MGAT4C: variants seen among roughly 807,000 people sequenced by gnomAD.
The protein encoded by MGAT4C is alpha-1,3-mannosyl-glycoprotein 4-beta-N-acetylglucosaminyltransferase C.
A neutral mutation model predicts 40.1 loss-of-function variants in MGAT4C; 19 were observed. The ratio of observed to expected loss-of-function variants is 0.47; its 90% CI spans 0.33 to 0.70. The LOEUF (loss-of-function observed/expected upper bound fraction) is 0.70, where lower values mean the gene tolerates loss of function less well. Among genes scored for constraint, MGAT4C ranks in the 30% least tolerant of loss-of-function variants. MGAT4C has a pLI of 0.02. For synonymous variants in MGAT4C, 181 were observed against 187.1 expected, an observed-to-expected ratio of 0.97 and a Z score of 0.27; for missense variants, 491 against 563.2, an observed-to-expected ratio of 0.87 and a Z score of 1.30.
chr12:86,309,958 GAGA>G (rs574454361), intron 4 of MGAT4C, among the ~76,000 whole-genome samples: 11 of 152,160 alleles, frequency 7.2e-5, no homozygotes, highest in Admixed American at 7.2e-4. Context: ...GTAGGAGAAG[GAGA>G]AGGAGGAAAG....
At chr12:86,501,389 C>T (rs533099424) in intron 2 of MGAT4C, among the ~76,000 whole-genome samples, 1 of 152,070 alleles carries the variant, frequency 6.6e-6, no homozygotes, top group Admixed American at 6.6e-5. Context: ...AGGTTTGTTA[C>T]ACAGTTAAAC....
At chr12:86,665,371 TACA>T (rs1964077789) in intron 2 of MGAT4C, among the ~76,000 whole-genome samples, 2 of 152,200 alleles carry the variant, frequency 1.3e-5, no homozygotes, top group South Asian at 4.1e-4. Flanking sequence ...GGAAAAGTTA[TACA>T]ACTTTTTTTC....
intron 3 of MGAT4C, among the ~76,000 whole-genome samples, chr12:86,346,744 G>A (rs1434362914): frequency 6.6e-6 from 1 of 152,162 alleles, no homozygotes; most frequent in Admixed American, 6.6e-5. Flanking sequence ...AGGTGTGTCT[G>A]TGAGGGTGTT....
At chr12:86,727,725 C>T (rs1950845765) in intron 1 of MGAT4C, among the ~76,000 whole-genome samples, 1 of 151,842 alleles carries the variant, frequency 6.6e-6, no homozygotes, top group Admixed American at 6.6e-5. Context: ...AAAACAAGGG[C>T]TTACAGAATA....
chr12:86,790,417 C>CA (rs1007141080), intron 1 of MGAT4C, among the ~76,000 whole-genome samples: 5 of 151,238 alleles, frequency 3.3e-5, no homozygotes, highest in Non-Finnish European at 5.9e-5. Context: ...AATAATAATT[C>CA]AAAAAAAACT....
intron 4 of MGAT4C, among the ~76,000 whole-genome samples, chr12:86,297,749 T>C (rs1465679318): frequency 6.6e-6 from 1 of 152,116 alleles, no homozygotes; most frequent in African/African-American, 2.4e-5. Flanking sequence ...CCAATGCAAT[T>C]TTAACAAAAG....
intron 1 of MGAT4C, among the ~76,000 whole-genome samples, chr12:86,055,647 T>C (rs1893311062): frequency 1.3e-5 from 2 of 152,046 alleles, no homozygotes; most frequent in Admixed American, 1.3e-4. Flanking sequence ...ATGCAAAGGA[T>C]CAACACTGGA....
chr12:86,708,389 A>G (rs570487890), intron 2 of MGAT4C, among the ~76,000 whole-genome samples: 1 of 152,192 alleles, frequency 6.6e-6, no homozygotes, highest in African/African-American at 2.4e-5. Flanking sequence ...TCCAGACAGA[A>G]GTTTGCTGCA....
chr12:86,565,776 T>G (rs2136414661), intron 2 of MGAT4C, among the ~76,000 whole-genome samples: 1 of 152,338 alleles, frequency 6.6e-6, no homozygotes, highest in Admixed American at 6.5e-5. Context: ...AGGAGAATTT[T>G]AATAATCAAA....
intron 2 of MGAT4C, among the ~76,000 whole-genome samples, chr12:86,633,142 T>C (rs1264344187): frequency 6.6e-6 from 1 of 151,924 alleles, no homozygotes; most frequent in African/African-American, 2.4e-5. Flanking sequence ...TAAATACCTT[T>C]AAAATAACCG....
chr12:86,781,290 T>C (rs1257900233), intron 1 of MGAT4C, among the ~76,000 whole-genome samples: 4 of 152,148 alleles, frequency 2.6e-5, no homozygotes, highest in African/African-American at 9.7e-5. Context: ...TCTGTAATCA[T>C]TCTTTTTTCT....
intron 3 of MGAT4C, among the ~76,000 whole-genome samples, chr12:86,354,948 A>AG (rs978825763): frequency 2.0e-5 from 3 of 152,182 alleles, no homozygotes; most frequent in Admixed American, 6.5e-5. Context: ...CGAGAACCCA[A>AG]GGGGGGTGCC....
At chr12:86,806,366 C>G (rs1262716794) in intron 1 of MGAT4C, among the ~76,000 whole-genome samples, 1 of 151,880 alleles carries the variant, frequency 6.6e-6, no homozygotes, top group Non-Finnish European at 1.5e-5. Context: ...TATAAAACAA[C>G]AACTAACATT....
At chr12:86,267,074 T>A (rs2136103151) in intron 4 of MGAT4C, among the ~76,000 whole-genome samples, 1 of 152,248 alleles carries the variant, frequency 6.6e-6, no homozygotes, top group South Asian at 2.1e-4. Flanking sequence ...GTTTTATCTT[T>A]TGTAATTTTT....
intron 1 of MGAT4C, among the ~76,000 whole-genome samples, chr12:86,172,530 C>A (rs1184864423): frequency 6.6e-6 from 1 of 151,926 alleles, no homozygotes; most frequent in Non-Finnish European, 1.5e-5. Flanking sequence ...AGACATAATA[C>A]AGAAATAAAT....
At chr12:86,608,102 A>G (rs1470860602) in intron 2 of MGAT4C, among the ~76,000 whole-genome samples, 2 of 152,132 alleles carry the variant, frequency 1.3e-5, no homozygotes, top group Non-Finnish European at 2.9e-5. Flanking sequence ...AAAAACTGAA[A>G]TATATAATAC....
chr12:86,602,458 C>T (rs1461426302), intron 2 of MGAT4C, among the ~76,000 whole-genome samples: 1 of 152,188 alleles, frequency 6.6e-6, no homozygotes, highest in African/African-American at 2.4e-5. Context: ...TCAAAGAGCA[C>T]AATGTCATCC....
chr12:86,524,520 TG>T (rs1958847763), intron 2 of MGAT4C, among the ~76,000 whole-genome samples: 1 of 152,220 alleles, frequency 6.6e-6, no homozygotes, highest in Non-Finnish European at 1.5e-5. Context: ...ATTTTGACCT[TG>T]GAGAATCTGA....
chr12:86,455,042 G>A (rs1048232109), intron 2 of MGAT4C, among the ~76,000 whole-genome samples: 1 of 151,940 alleles, frequency 6.6e-6, no homozygotes, highest in Admixed American at 6.6e-5. Context: ...ACATTTTCAA[G>A]TTACCTGCTT....
Sources: gnomAD v4.1 joint callset for allele counts (sites outside exome capture counted in the v4.1 genomes callset) on GRCh38, gnomAD v4.1.1 for gene constraint, MANE v1.5 for transcripts, NCBI Gene and HGNC (gene_info 2026-07-23, HGNC 2026-07-21) for gene names.